The following CREB5 variants were observed in gnomAD, a reference collection of about 807,000 sequenced individuals.
CREB5 encodes the protein cyclic AMP-responsive element-binding protein 5.
CREB5 carries 19 observed loss-of-function variants against 57.1 expected under a neutral mutation model. The ratio of observed to expected loss-of-function variants is 0.33; its 90% CI spans 0.23 to 0.49. The LOEUF is 0.49. Among genes scored for constraint, CREB5 ranks in the 20% least tolerant of loss-of-function variants. CREB5 has a pLI of 0.99. For missense variants in CREB5, 579 were observed against 671.6 expected (o/e 0.86, Z 1.52); for synonymous variants, 238 against 238.3 (o/e 1.00, Z 0.01).
At chr7:28,655,200 G>T (rs991237026) in intron 5 of CREB5, among the ~76,000 whole-genome samples, 2 of 152,164 alleles carry the variant, frequency 1.3e-5, no homozygotes. Flanking sequence ...ACTGTGTGAG[G>T]CACCATCCTG....
chr7:28,475,984 C>T (rs1195023399), intron 1 of CREB5, among the ~76,000 whole-genome samples: 1 of 152,134 alleles, frequency 6.6e-6, no homozygotes. Context: ...CTTAGTCTGG[C>T]AGTTATTTAA....
intron 1 of CREB5, among the ~76,000 whole-genome samples, chr7:28,364,391 A>G (rs980363930): frequency 6.6e-6 from 1 of 152,232 alleles, no homozygotes; most frequent in African/African-American, 2.4e-5. Flanking sequence ...CCAATTCCTC[A>G]ACATCTATTG....
chr7:28,382,434 T>C (rs1786984716), intron 1 of CREB5, among the ~76,000 whole-genome samples: 1 of 120,276 alleles, frequency 8.3e-6, no homozygotes, highest in South Asian at 2.8e-4. Flanking sequence ...AATGCAATGA[T>C]TGAGAATAAA....
At chr7:28,487,757 C>T (rs923302123) in intron 1 of CREB5, among the ~76,000 whole-genome samples, 1 of 152,124 alleles carries the variant, frequency 6.6e-6, no homozygotes, top group African/African-American at 2.4e-5. Flanking sequence ...CAGTGATTGC[C>T]ATTCCTCTTG....
intron 5 of CREB5, among the ~76,000 whole-genome samples, chr7:28,626,241 T>A (rs1025822446): frequency 2.6e-5 from 4 of 152,220 alleles, no homozygotes; most frequent in African/African-American, 9.6e-5. Context: ...ATTCCTGTGA[T>A]TTGAGTTGTA....
chr7:28,721,500 C>G (rs1025883431), intron 6 of CREB5, among the ~76,000 whole-genome samples: 1 of 152,140 alleles, frequency 6.6e-6, no homozygotes, highest in African/African-American at 2.4e-5. Context: ...GACGCTTCCC[C>G]TAGAGTTTCT....
At chr7:28,562,034 C>T (rs1047251979) in intron 4 of CREB5, among the ~76,000 whole-genome samples, 3 of 152,372 alleles carry the variant, frequency 2.0e-5, no homozygotes, top group African/African-American at 7.2e-5. Context: ...GCGTGAGCCA[C>T]CAGCCCTGCC....
At chr7:28,493,136 T>G (rs1791879685) in intron 2 of CREB5, among the ~76,000 whole-genome samples, 1 of 152,228 alleles carries the variant, frequency 6.6e-6, no homozygotes, top group South Asian at 2.1e-4. Context: ...TGAATACAAA[T>G]CCATGCCATT....
intron 7 of CREB5, among the ~76,000 whole-genome samples, chr7:28,796,862 C>G (rs1034771514): frequency 6.6e-6 from 1 of 152,154 alleles, no homozygotes; most frequent in African/African-American, 2.4e-5. Context: ...TATGATGGAG[C>G]TAAGACTAGC....
chr7:28,495,031 T>C, intron 3 of CREB5, 32 bp downstream of exon 3: 1 of 1,491,654 alleles, frequency 6.7e-7, no homozygotes. Context: ...AAGCTTTGGG[T>C]GATCAGATCT....
intron 5 of CREB5, among the ~76,000 whole-genome samples, chr7:28,712,236 A>T (rs1356022460): frequency 6.6e-6 from 1 of 152,024 alleles, no homozygotes; most frequent in Non-Finnish European, 1.5e-5. Flanking sequence ...TTCTTTCTTT[A>T]TGAAAATAGA....
In CREB5 at chr7:28,472,069, A is replaced by G. The variant is rs143692655; in HGVS notation, c.4-16106A>G. Among the ~76,000 whole-genome samples, 1,271 of 152,228 alleles carry G rather than the reference A, an allele frequency of 8.3e-3. 10 individuals are homozygous for G. Among genetic ancestry groups the G allele is most frequent in the Admixed American group, 0.013 (195 of 15,288 alleles). On this transcript the variant is annotated intron_variant, in intron 1 of 10. Transcript: ENST00000357727. ...AACAAATCTAACCTATGGAGAGAGAAAAATTTTATTTGACATGCTTTCCAT... is the reference window on the plus strand; with the variant it reads ...AACAAATCTAACCTATGGAGAGAGAGAAATTTTATTTGACATGCTTTCCAT...
At chr7:28,425,234 T>C (rs998566657) in intron 1 of CREB5, among the ~76,000 whole-genome samples, 3 of 151,966 alleles carry the variant, frequency 2.0e-5, no homozygotes, top group Admixed American at 6.6e-5. Flanking sequence ...CAAAATATGG[T>C]GCATCCATAT....
intron 1 of CREB5, among the ~76,000 whole-genome samples, chr7:28,454,100 C>CCCG (rs774045567): frequency 4.6e-4 from 70 of 151,980 alleles, no homozygotes; most frequent in Non-Finnish European, 7.4e-4. Flanking sequence ...ACTACAGGCA[C>CCCG]TCGCCACCAC....
chr7:28,620,096 A>G (rs753549554), intron 5 of CREB5, among the ~76,000 whole-genome samples: 2 of 152,228 alleles, frequency 1.3e-5, no homozygotes, highest in Non-Finnish European at 2.9e-5. Flanking sequence ...ATAATTTTTA[A>G]AACGGTACAA....
chr7:28,724,553 G>A (rs1205838455), intron 7 of CREB5: 2 of 509,804 alleles, frequency 3.9e-6, no homozygotes, highest in African/African-American at 3.9e-5. Context: ...TGGTATTAAT[G>A]AAAGGAACAT....
rs191633794 is a variant in CREB5, at chr7:28,644,694, A to G, written c.465-74059A>G. On this transcript the variant is annotated intron_variant, in intron 5 of 10. Transcript: ENST00000357727. ...TTACAGATGTTTAAAAAGAAAGACA[A>G]ATAAAAACCAGAAAGGTTCTAGTGC... Among the ~76,000 whole-genome samples, 630 of 147,944 alleles carry G rather than the reference A, an allele frequency of 4.3e-3. 4 individuals carry two copies. The highest frequency in any genetic ancestry group is 0.019 in the South Asian group (93 of 4,824).
intron 7 of CREB5, among the ~76,000 whole-genome samples, chr7:28,738,824 G>A (rs1804180296): frequency 6.6e-6 from 1 of 152,144 alleles, no homozygotes; most frequent in African/African-American, 2.4e-5. Context: ...AGTCTGTTTT[G>A]TAGATTTCTT....
At chr7:28,377,946 C>A (rs56913907) in intron 1 of CREB5, among the ~76,000 whole-genome samples, 101,820 of 132,068 alleles carry the variant, frequency 0.77, 39,414 homozygotes, top group East Asian at 0.99. Flanking sequence ...AAAAAAAAAA[C>A]AAAAAAGAAA....
Sources: gnomAD v4.1 joint callset for allele counts (sites outside exome capture counted in the v4.1 genomes callset) on GRCh38, gnomAD v4.1.1 for gene constraint, MANE v1.5 for transcripts, NCBI Gene and HGNC (gene_info 2026-07-23, HGNC 2026-07-21) for gene names.